The following OGDHL variants were observed in gnomAD, a reference collection of about 807,000 sequenced individuals.
OGDHL encodes the protein 2-oxoglutarate dehydrogenase-like, mitochondrial.
OGDHL carries 79 observed loss-of-function variants against 109.6 expected under a neutral mutation model. The observed-to-expected ratio is 0.72, with a 90% CI of 0.60 to 0.87. The LOEUF is 0.87. OGDHL is among the 40% of genes least tolerant of loss of function. OGDHL has a pLI of 0.00. For missense variants in OGDHL, 1,275 were observed against 1,362.2 expected (o/e 0.94, Z 1.01); for synonymous variants, 528 against 537.2 (o/e 0.98, Z 0.24).
At chr10:49,739,603 C>T (rs752013678) in intron 17 of OGDHL, 58 bp downstream of exon 17, 230 of 1,572,246 alleles carry the variant, frequency 1.5e-4, no homozygotes, top group Non-Finnish European at 1.9e-4. Context: ...GGGTCCATCC[C>T]GCCCCTTCAA....
At chr10:49,751,307 T>A (rs530804222) in intron 6 of OGDHL, among the ~76,000 whole-genome samples, 1 of 152,024 alleles carries the variant, frequency 6.6e-6, no homozygotes, top group East Asian at 1.9e-4. Context: ...CCTAGCCCAC[T>A]ACCCTCCTGC....
intron 11 of OGDHL, 39 bp downstream of exon 11, chr10:49,745,759 G>T: frequency 6.2e-7 from 1 of 1,601,152 alleles, no homozygotes; most frequent in Non-Finnish European, 8.5e-7. Flanking sequence ...GCAGGGATGG[G>T]CCACCCACCC....
At chr10:49,745,254 G>A (rs781417074) in intron 12 of OGDHL, 90 bp downstream of exon 12, 6 of 1,497,138 alleles carry the variant, frequency 4.0e-6, no homozygotes, top group Admixed American at 1.8e-5. Context: ...AATCCTTAGT[G>A]CCCAGCACTG....
chr10:49,747,338 TG>T, intron 8 of OGDHL, 130 bp from the exon 9 acceptor site: 1 of 940,628 alleles, frequency 1.1e-6, no homozygotes, highest in Non-Finnish European at 1.6e-6. Context: ...AGGGCCAAGC[TG>T]TCTCTGACCC....
chr10:49,743,358 C>T (rs1399580416), intron 14 of OGDHL, among the ~76,000 whole-genome samples: 2 of 151,820 alleles, frequency 1.3e-5, no homozygotes. Context: ...CGGGCACATG[C>T]CCCAAACGCT....
intron 15 of OGDHL, among the ~76,000 whole-genome samples, chr10:49,742,331 C>T (rs1257923097): frequency 2.2e-4 from 8 of 36,310 alleles, no homozygotes; most frequent in Admixed American, 1.0e-3. Flanking sequence ...ACACCACACA[C>T]GACACACACC....
chr10:49,752,321 G>A lies in OGDHL; in HGVS notation c.479-73C>T, dbSNP rs561451930. ...GGAGGTCAGGCCCAGGTGGAGCCCC[G>A]CAGTCTCACCAGACCTCCCAGTCTC... On this transcript the variant is annotated intron_variant, in intron 4 of 22. Transcript: ENST00000374103. The A allele has an allele frequency of 7.8e-5, 89 of 1,136,426 alleles. 1 individual carries two copies. The highest frequency in any genetic ancestry group is 6.0e-4 in the South Asian group (47 of 77,772). The allele number at this position is 1,136,426 out of a possible 1,614,324, so 70.4% of individuals were successfully genotyped here. A position where few individuals can be genotyped will look rare whatever the true frequency, so the allele number is the denominator to read the frequency against.
rs1842206126 is a variant in OGDHL at position 49,746,677 on chromosome 10, T to G, written c.1296+73A>C. 5.1e-6 allele frequency: 8 copies of G among 1,578,242 alleles called. No individual in the cohort carries two copies. In the South Asian group the frequency reaches 8.1e-5, roughly 16 times the overall value. ...GCTCAGAGCCAGGAGCATCTCACTT[T>G]CCCCGCAAGCTACTGCCTGGATTTC... On this transcript the variant is annotated intron_variant, in intron 10 of 22. Transcript: ENST00000374103.
chr10:49,745,689 C>A, intron 11 of OGDHL, 109 bp downstream of exon 11: 1 of 1,391,250 alleles, frequency 7.2e-7, no homozygotes. Context: ...AATCTCTCAT[C>A]CAAGAAGCAC....
intron 2 of OGDHL, among the ~76,000 whole-genome samples, chr10:49,758,110 G>A (rs770921938): frequency 1.5e-4 from 23 of 152,198 alleles, no homozygotes; most frequent in Non-Finnish European, 2.4e-4. Context: ...TACATACAAA[G>A]GAGCATATGG....
intron 15 of OGDHL, among the ~76,000 whole-genome samples, chr10:49,742,618 G>A (rs1841864578): frequency 6.7e-6 from 1 of 149,076 alleles, no homozygotes; most frequent in South Asian, 2.2e-4. Flanking sequence ...CCACCAGCTT[G>A]ACCTTAGTGG....
chr10:49,745,930 C>A lies in OGDHL; in HGVS notation c.1344G>T (p.Pro448=), dbSNP rs770910107. Residue 448 remains proline, a synonymous_variant, in exon 11 of 23, where the codon CCG becomes CCT. Transcript: ENST00000374103. ...CATTGACCACCCGGGCCACGTCGGT[C>A]GGGTATGGTGAGGAGCGGGCCATTC... is the stretch of plus-strand genomic sequence containing the variant. ...DPRMARSSPY[P]TDVARVVNAP... 5.6e-6 allele frequency: 9 copies of A among 1,614,164 alleles called. No individual in the cohort carries two copies. Among genetic ancestry groups the A allele is most frequent in the Admixed American group, 1.7e-5 (1 of 60,036 alleles).
At position 49,749,767 on chromosome 10, in the gene OGDHL, T is replaced by C; in HGVS notation, c.946A>G (p.Ile316Val). ...ANVIRKDLEQ[I>V]FCQFDPKLEA... is the part of the protein sequence containing the mutation. ...AGCTTGGGGTCAAACTGGCAGAAGA[T>C]CTGCTCCAGGTCCTTGCGGATCACG... Residue 316 changes from isoleucine (I) to valine (V), a missense_variant, in exon 8 of 23, where the codon ATC becomes GTC. Coordinates refer to ENST00000374103, the MANE Select transcript of OGDHL (RefSeq NM_018245.3). 3 of 1,601,338 alleles carry C rather than the reference T, an allele frequency of 1.9e-6. No homozygotes were observed. Among genetic ancestry groups the C allele is most frequent in the Non-Finnish European group, 1.7e-6 (2 of 1,177,156 alleles).
At chr10:49,743,103 G>T in intron 14 of OGDHL, 125 bp from the exon 15 acceptor site, 1 of 1,272,300 alleles carries the variant, frequency 7.9e-7, no homozygotes, top group East Asian at 2.5e-5. Context: ...GGAGGGCAGG[G>T]ATGCTGCAGG....
intron 15 of OGDHL, among the ~76,000 whole-genome samples, chr10:49,742,396 A>G: frequency 2.6e-3 from 1 of 380 alleles, no homozygotes; most frequent in African/African-American, 5.3e-3. Context: ...ACACCCCCAC[A>G]CACACCACAC....
At chr10:49,751,705 G>T in intron 6 of OGDHL, 122 bp downstream of exon 6, 1 of 1,296,066 alleles carries the variant, frequency 7.7e-7, no homozygotes, top group East Asian at 2.3e-5. Context: ...GCAGCCAGTG[G>T]TGAGGCCGAT....
chr10:49,759,833 C>A (rs1001681945), intron 1 of OGDHL, among the ~76,000 whole-genome samples: 2 of 152,196 alleles, frequency 1.3e-5, no homozygotes, highest in African/African-American at 4.8e-5. Flanking sequence ...CGGGAGGAGT[C>A]CCCTACCCCT....
chr10:49,756,776 C>T lies in OGDHL; in HGVS notation c.375G>A (p.Gln125=). Residue 125 remains glutamine (Q), a splice_region_variant and synonymous_variant, in exon 3 of 23, where the codon CAG becomes CAA. Coordinates refer to ENST00000374103, the MANE Select transcript of OGDHL (RefSeq NM_018245.3). ...AGGCTGTGCCTCAGCTGCCCCTCAC[C>T]TGGTAGGCCCGGATCAGGGACTGCA... ...LAVQSLIRAY[Q]IRGHHVAQLD... 3 of 1,611,584 alleles carry T rather than the reference C, an allele frequency of 1.9e-6. No individual in the cohort carries two copies. Among genetic ancestry groups the T allele is most frequent in the Non-Finnish European group, 1.7e-6 (2 of 1,178,682 alleles).
intron 8 of OGDHL, among the ~76,000 whole-genome samples, chr10:49,747,775 A>C (rs1475433965): frequency 6.6e-6 from 1 of 152,228 alleles, no homozygotes; most frequent in Non-Finnish European, 1.5e-5. Flanking sequence ...ATTCATAAAC[A>C]AATGCAGGCA....
Sources: gnomAD v4.1 joint callset for allele counts (sites outside exome capture counted in the v4.1 genomes callset) on GRCh38, gnomAD v4.1.1 for gene constraint, MANE v1.5 for transcripts, NCBI Gene and HGNC (gene_info 2026-07-23, HGNC 2026-07-21) for gene names.